Variants in DNAJC4 observed in about 807,000 individuals in gnomAD.
DNAJC4 encodes the protein dnaJ homolog subfamily C member 4.
DNAJC4 carries 26 observed loss-of-function variants against 26.8 expected under a neutral mutation model. The ratio of observed to expected loss-of-function variants is 0.97; its 90% CI spans 0.71 to 1.34. The LOEUF (loss-of-function observed/expected upper bound fraction) is 1.34, where lower values mean the gene tolerates loss of function less well. Ranked by LOEUF, DNAJC4 falls within the 40% of genes most tolerant of loss-of-function variation. The pLI is 0.00. For synonymous variants in DNAJC4, 134 were observed against 127.8 expected (o/e 1.05, Z -0.33); for missense variants, 342 against 321.1 (o/e 1.07, Z -0.50).
intron 1 of DNAJC4, 94 bp downstream of exon 1, chr11:64,231,034 G>C (rs1290116121): frequency 6.8e-7 from 1 of 1,477,614 alleles, no homozygotes; most frequent in African/African-American, 1.4e-5. Context: ...CGTGTCAGGA[G>C]GCTCCCAGGT....
At chr11:64,233,854 C>T (rs1159925496) in intron 4 of DNAJC4, 40 bp from the exon 5 acceptor site, 2 of 1,602,892 alleles carry the variant, frequency 1.2e-6, no homozygotes, top group Admixed American at 3.4e-5. Flanking sequence ...TCAGGGACAG[C>T]AGGAATTGGA....
Position 64,232,421 on chromosome 11 carries a change from C to T in DNAJC4, c.181-9C>T, listed in dbSNP as rs1340376261. The T allele has an allele frequency of 6.4e-7, 1 of 1,567,918 alleles. No homozygotes were observed. The highest frequency in any genetic ancestry group is 8.7e-7 in the Non-Finnish European group (1 of 1,154,650). ...AAAGGGAGATAAGGGGAGTCCTGCC[C>T]CACCCCAGCTGCACCCAGACCGGGA... On this transcript the variant is annotated splice_polypyrimidine_tract_variant and intron_variant, in intron 2 of 5. Coordinates refer to ENST00000628077, the MANE Select transcript of DNAJC4 (RefSeq NM_005528.4).
In DNAJC4 at chr11:64,231,900, T is replaced by TG; in HGVS notation, c.121dup (p.Val41GlyfsTer8). On this transcript the variant is annotated frameshift_variant, in exon 2 of 6. Transcript: ENST00000628077. LOFTEE classifies it high-confidence loss of function. ...AGACCCAGTACTTATTATGAACTGT[T>TG]GGGGGTGCATCCTGGTGCCAGCACT... 1 of 1,614,040 alleles carries TG rather than the reference T, an allele frequency of 6.2e-7. No homozygotes were observed. Among genetic ancestry groups the TG allele is most frequent in the Non-Finnish European group, 8.5e-7 (1 of 1,179,988 alleles).
At chr11:64,231,171 A>G in intron 1 of DNAJC4, 1 of 677,512 alleles carries the variant, frequency 1.5e-6, no homozygotes, top group Non-Finnish European at 2.7e-6. Flanking sequence ...CTCTTACCAC[A>G]GCTCTAGTGG....
chr11:64,231,245 C>T, intron 1 of DNAJC4: 1 of 467,878 alleles, frequency 2.1e-6, no homozygotes, highest in Non-Finnish European at 4.0e-6. Flanking sequence ...GGGGAGGTGT[C>T]GGGTACAAAA....
chr11:64,233,015 CCTTA>C (rs1947197479), intron 4 of DNAJC4, 150 bp downstream of exon 4: 2 of 857,176 alleles, frequency 2.3e-6, no homozygotes, highest in Non-Finnish European at 3.3e-6. Context: ...TGGAGCCTCT[CCTTA>C]CTTATTAAAG....
At position 64,232,416 on chromosome 11, in the gene DNAJC4, C is replaced by T. The variant is rs950719391; in HGVS notation, c.181-14C>T. The T allele has an allele frequency of 6.4e-7, 1 of 1,561,298 alleles. No individual in the cohort carries two copies. Among genetic ancestry groups the T allele is most frequent in the Admixed American group, 1.8e-5 (1 of 55,982 alleles). ...CAGGCAAAGGGAGATAAGGGGAGTCCTGCCCCACCCCAGCTGCACCCAGAC... is the reference window on the plus strand; with the variant it reads ...CAGGCAAAGGGAGATAAGGGGAGTCTTGCCCCACCCCAGCTGCACCCAGAC... On this transcript the variant is annotated splice_polypyrimidine_tract_variant and intron_variant, in intron 2 of 5. Coordinates refer to ENST00000628077, the MANE Select transcript of DNAJC4 (RefSeq NM_005528.4).
intron 2 of DNAJC4, 148 bp from the exon 3 acceptor site, chr11:64,232,282 C>A: frequency 9.5e-7 from 1 of 1,050,648 alleles, no homozygotes; most frequent in Non-Finnish European, 1.3e-6. Context: ...GCTCTCTGGC[C>A]TTCTGAGGAG....
chr11:64,232,249 C>A, intron 2 of DNAJC4, 181 bp from the exon 3 acceptor site: 3 of 827,708 alleles, frequency 3.6e-6, no homozygotes, highest in Admixed American at 2.9e-5. Context: ...AGGGCTTGAA[C>A]ACAGGAGGAA....
intron 1 of DNAJC4, chr11:64,231,296 G>A (rs1215964757): frequency 9.2e-6 from 3 of 327,546 alleles, no homozygotes; most frequent in Non-Finnish European, 1.1e-5. Context: ...CTGAACTGGA[G>A]GAATCAATTG....
chr11:64,231,136 G>GT, intron 1 of DNAJC4, 196 bp downstream of exon 1: 1 of 761,340 alleles, frequency 1.3e-6, no homozygotes, highest in Non-Finnish European at 2.3e-6. Context: ...AGAGGAGGAA[G>GT]TTTGAGTCCA....
chr11:64,231,301 C>A (rs1947172372), intron 1 of DNAJC4: 4 of 294,084 alleles, frequency 1.4e-5, no homozygotes, highest in East Asian at 1.7e-4. Context: ...CTGGAGGAAT[C>A]AATTGGGTGG....
intron 4 of DNAJC4, chr11:64,233,659 ATGTCCACAGCTGC>A: frequency 1.7e-6 from 1 of 588,380 alleles, no homozygotes; most frequent in Non-Finnish European, 3.0e-6. Flanking sequence ...GAGCACCCCC[ATGTCCACAGCTGC>A]TGTCACACCT....
chr11:64,230,979 G>A (rs538577724), intron 1 of DNAJC4, 39 bp downstream of exon 1: 6 of 1,536,346 alleles, frequency 3.9e-6, no homozygotes, highest in Non-Finnish European at 5.2e-6. Flanking sequence ...TTGTTCAATG[G>A]GTTTCTGTTT....
rs753191459 is a variant in DNAJC4 at position 64,232,579 on chromosome 11, C to T, written c.330C>T (p.Thr110=). The change falls in exon 3 of 6, where the codon ACC becomes ACT. Residue 110 remains threonine (T), a synonymous_variant. Coordinates refer to ENST00000628077, the MANE Select transcript of DNAJC4 (RefSeq NM_005528.4). The part of the protein sequence containing the change: ...RSGSPPKSPR[T]TVHDKSAHQT... ...GTAGTCCCCCAAAGTCTCCACGAACCACAGTCCATGACAAGTCTGCCCACC... is the reference window on the plus strand; with the variant it reads ...GTAGTCCCCCAAAGTCTCCACGAACTACAGTCCATGACAAGTCTGCCCACC... 2.9e-5 allele frequency: 47 copies of T among 1,610,038 alleles called. No individual in the cohort carries two copies. The highest frequency in any genetic ancestry group is 4.0e-5 in the African/African-American group (3 of 74,792).
chr11:64,231,993 G>T (rs780636954), intron 2 of DNAJC4, 29 bp downstream of exon 2: 1 of 1,610,288 alleles, frequency 6.2e-7, no homozygotes, highest in South Asian at 1.1e-5. Context: ...TGGGGAGGGG[G>T]AGCAGGAACT....
intron 3 of DNAJC4, 25 bp from the exon 4 acceptor site, chr11:64,232,679 T>G: frequency 6.3e-7 from 1 of 1,579,734 alleles, no homozygotes; most frequent in South Asian, 1.1e-5. Context: ...ATTTCCACAA[T>G]GTCCCTTCCT....
Position 64,232,749 on chromosome 11 carries a change from C to A in DNAJC4, c.411C>A (p.Ser137Arg). Residue 137 changes from serine (S) to arginine (R), a missense_variant, in exon 4 of 6, where the codon AGC (serine) becomes AGA (arginine). Coordinates refer to ENST00000628077, the MANE Select transcript of DNAJC4 (RefSeq NM_005528.4). ...CACAGTACTGGTCCCAGTTTCACAG[C>A]GTGAGGCCACAGGGGCCCCAGTTGA... ...PNAQYWSQFH[S>R]VRPQGPQLRQ... The A allele has an allele frequency of 6.2e-7, 1 of 1,612,140 alleles. No homozygotes were observed. The highest frequency in any genetic ancestry group is 1.1e-5 in the South Asian group (1 of 90,762).
At chr11:64,231,621 T>G (rs1020741055) in intron 1 of DNAJC4, 7 of 443,808 alleles carry the variant, frequency 1.6e-5, no homozygotes, top group African/African-American at 7.9e-5. Context: ...ATTACAGGCG[T>G]GAGCCACCGC....
Sources: gnomAD v4.1 joint callset for allele counts on GRCh38, gnomAD v4.1.1 for gene constraint, MANE v1.5 for transcripts, NCBI Gene and HGNC (gene_info 2026-07-23, HGNC 2026-07-21) for gene names.